Variants in CNOT7 observed in about 807,000 individuals in gnomAD.
The protein encoded by CNOT7 is CCR4-NOT transcription complex subunit 7.
A neutral mutation model predicts 37.1 loss-of-function variants in CNOT7; 4 were observed. The ratio of observed to expected loss-of-function variants is 0.11; its 90% CI spans 0.05 to 0.25. CNOT7 has a LOEUF of 0.25. Ranked by LOEUF, CNOT7 falls within the 10% of genes least tolerant of loss-of-function variation. The pLI, the probability that CNOT7 is intolerant of heterozygous loss-of-function variation, is 1.00. For missense variants in CNOT7, 170 were observed against 336.2 expected, an observed-to-expected ratio of 0.51 and a Z score of 3.87; for synonymous variants, 128 against 115.6, an observed-to-expected ratio of 1.11 and a Z score of -0.69.
chr8:17,234,513 T>C, intron 5 of CNOT7: 1 of 545,552 alleles, frequency 1.8e-6, no homozygotes. Context: ...TTCTGCCTTC[T>C]GCCAAGACAT....
At chr8:17,231,650 G>C in intron 6 of CNOT7, 11 of 985,344 alleles carry the variant, frequency 1.1e-5, no homozygotes, top group Non-Finnish European at 1.3e-5. Flanking sequence ...AAAACTTATA[G>C]TCAAGAAAAA....
chr8:17,233,213 G>A (rs899213689), intron 5 of CNOT7, among the ~76,000 whole-genome samples: 1 of 152,136 alleles, frequency 6.6e-6, no homozygotes, highest in Non-Finnish European at 1.5e-5. Flanking sequence ...AGGGAGGGGA[G>A]AATAAGTAGA....
At chr8:17,238,657 A>T (rs1314206946) in intron 3 of CNOT7, among the ~76,000 whole-genome samples, 1 of 152,118 alleles carries the variant, frequency 6.6e-6, no homozygotes, top group Admixed American at 6.5e-5. Flanking sequence ...TAAAAAACAG[A>T]TTCTTCTCCA....
At position 17,230,621 on chromosome 8, in the gene CNOT7, G is replaced by A; in HGVS notation, c.*99C>T. ...AATAAAATGGGCCATGAAAGGGGGG[G>A]GAAAGGTACTGTCTATTGTTCGAGG... is the stretch of plus-strand genomic sequence containing the variant. On this transcript the variant is annotated 3_prime_UTR_variant, in exon 7 of 7. Coordinates refer to ENST00000361272, the MANE Select transcript of CNOT7 (RefSeq NM_013354.7). 2 of 996,474 alleles carry A rather than the reference G, an allele frequency of 2.0e-6. No individual in the cohort carries two copies. The highest frequency in any genetic ancestry group is 3.7e-4 in the Middle Eastern group (1 of 2,700). The allele number at this position is 996,474 out of a possible 1,614,324, so 61.7% of individuals were successfully genotyped here.
chr8:17,246,511 AG>A, intron 1 of CNOT7, 163 bp downstream of exon 1: 1 of 150,914 alleles, frequency 6.6e-6, no homozygotes, highest in African/African-American at 2.5e-5. Context: ...ACAAACCCCC[AG>A]CCCCAGTTAC....
rs913677902 is a variant in CNOT7, at chr8:17,229,548, CTT to C, written c.*1170_*1171del. The C allele has an allele frequency of 6.6e-6, 1 of 151,976 alleles. No individual in the cohort carries two copies. Among genetic ancestry groups the C allele is most frequent in the Non-Finnish European group, 1.5e-5 (1 of 67,774 alleles). 9.4% of individuals were successfully genotyped at this position (151,976 alleles called of 1,614,324 possible). On this transcript the variant is annotated 3_prime_UTR_variant, in exon 7 of 7. Coordinates refer to ENST00000361272, the MANE Select transcript of CNOT7 (RefSeq NM_013354.7). ...TGCATGGCTAAGTATTTCACAGTCT[CTT>C]TTGTCAATATATATAAAATAGATTG...
rs756525101 is a variant in CNOT7, at chr8:17,234,875, AAAG to A, written c.474-18_474-16del. On this transcript the variant is annotated splice_polypyrimidine_tract_variant and intron_variant, in intron 4 of 6. Coordinates refer to ENST00000361272, the MANE Select transcript of CNOT7 (RefSeq NM_013354.7). ...AGTCGTAACCGCTATAAAAGGGTTA[AAAG>A]AATAGAGAAGAGGGACATATAAATA... The A allele has an allele frequency of 1.2e-6, 2 of 1,611,860 alleles. No homozygotes were observed. The highest frequency in any genetic ancestry group is 2.7e-5 in the African/African-American group (2 of 74,788).
At chr8:17,233,224 G>C (rs1808868095) in intron 5 of CNOT7, among the ~76,000 whole-genome samples, 1 of 152,182 alleles carries the variant, frequency 6.6e-6, no homozygotes, top group Non-Finnish European at 1.5e-5. Context: ...AATAAGTAGA[G>C]CGTGAAGGAA....
At chr8:17,236,160 C>A (rs556374030) in intron 4 of CNOT7, among the ~76,000 whole-genome samples, 1 of 152,188 alleles carries the variant, frequency 6.6e-6, no homozygotes, top group African/African-American at 2.4e-5. Context: ...ACAACTCAAC[C>A]ATTTCTGGTT....
chr8:17,233,508 T>A (rs977995576), intron 5 of CNOT7, among the ~76,000 whole-genome samples: 5 of 152,178 alleles, frequency 3.3e-5, no homozygotes. Context: ...ATTCAGAATA[T>A]CTGTACTTAG....
chr8:17,241,943 T>C (rs1193244460), intron 3 of CNOT7: 2 of 152,172 alleles, frequency 1.3e-5, no homozygotes, highest in East Asian at 1.9e-4. Flanking sequence ...CATTATTCAG[T>C]TGAGGGGTGA....
At chr8:17,232,243 T>C in intron 6 of CNOT7, 184 bp downstream of exon 6, 2 of 1,438,230 alleles carry the variant, frequency 1.4e-6, no homozygotes, top group South Asian at 1.5e-5. Flanking sequence ...CCCAGTTCCT[T>C]CTGAACTACA....
intron 3 of CNOT7, 52 bp from the exon 4 acceptor site, chr8:17,237,425 AG>A (rs1310582354): frequency 6.4e-6 from 10 of 1,562,272 alleles, no homozygotes. Flanking sequence ...ACTTCAAACA[AG>A]CTGTTCTTCT....
rs1274420092 is a variant in CNOT7, at chr8:17,229,852, A to AAG, written c.*867_*868insCT. 1 of 144,770 alleles carries AAG rather than the reference A, an allele frequency of 6.9e-6. No individual in the cohort carries two copies. Among genetic ancestry groups the AAG allele is most frequent in the African/African-American group, 2.5e-5 (1 of 40,528 alleles). The allele number at this position is 144,770 out of a possible 1,614,324, so 9.0% of individuals were successfully genotyped here. ...GGCTACAAAATTTAAAAAAAAAAAA[A>AAG]GGGTAAATGGTGATGGAATAAAAAT... On this transcript the variant is annotated 3_prime_UTR_variant, in exon 7 of 7. Coordinates refer to ENST00000361272, the MANE Select transcript of CNOT7 (RefSeq NM_013354.7).
intron 6 of CNOT7, chr8:17,232,188 G>A: frequency 1.5e-6 from 2 of 1,302,570 alleles, no homozygotes; most frequent in Non-Finnish European, 2.0e-6. Context: ...GACTTCTCAG[G>A]TAGTTTATGT....
chr8:17,230,997 G>C (rs1808526352), intron 6 of CNOT7, 149 bp from the exon 7 acceptor site: 4 of 548,506 alleles, frequency 7.3e-6, no homozygotes, highest in Non-Finnish European at 1.3e-5. Context: ...ACGCATTTCA[G>C]TTCAATGAGT....
At position 17,230,543 on chromosome 8, in the gene CNOT7, T is replaced by G. The variant is rs1467397337; in HGVS notation, c.*177A>C. The G allele has an allele frequency of 2.5e-6, 1 of 405,274 alleles. No individual in the cohort carries two copies. The highest frequency in any genetic ancestry group is 4.3e-6 in the Non-Finnish European group (1 of 232,274). 25.1% of individuals were successfully genotyped at this position (405,274 alleles called of 1,614,324 possible). A position where few individuals can be genotyped will look rare whatever the true frequency, so the allele number is the denominator to read the frequency against. On this transcript the variant is annotated 3_prime_UTR_variant, in exon 7 of 7. Coordinates refer to ENST00000361272, the MANE Select transcript of CNOT7 (RefSeq NM_013354.7). ...TAACCTGAATGCGTTTTTTTTTTTC[T>G]TTTTATTAAGATCTGAGATAGGAAC...
intron 6 of CNOT7, chr8:17,231,379 C>T (rs922314998): frequency 3.9e-6 from 1 of 256,550 alleles, no homozygotes. Flanking sequence ...ACCATTAAGA[C>T]ATTTTTAAAA....
intron 5 of CNOT7, 190 bp downstream of exon 5, chr8:17,234,526 T>TG (rs1809076907): frequency 1.2e-5 from 7 of 588,106 alleles, no homozygotes; most frequent in Non-Finnish European, 2.1e-5. Flanking sequence ...CAAGACATAC[T>TG]GAAGCTCTGA....
Sources: allele counts gnomAD v4.1 joint callset (sites outside exome capture counted in the v4.1 genomes callset), GRCh38; gene constraint gnomAD v4.1.1; transcripts MANE v1.5; gene names NCBI Gene and HGNC (gene_info 2026-07-23, HGNC 2026-07-21).